CEP128: variants seen among roughly 807,000 people sequenced by gnomAD.
CEP128 encodes centrosomal protein 128, also known as centrosomal protein 128kDa.
A neutral mutation model predicts 156.7 loss-of-function variants in CEP128; 132 were observed. The observed-to-expected ratio is 0.84, with a 90% CI of 0.73 to 0.97. CEP128 has a LOEUF of 0.97. Ranked by LOEUF, CEP128 falls within the 50% of genes least tolerant of loss-of-function variation. CEP128 has a pLI of 0.00. For missense variants in CEP128, 1,252 were observed against 1,281.9 expected (o/e 0.98, Z 0.36); for synonymous variants, 469 against 448.9 (o/e 1.04, Z -0.57).
intron 21 of CEP128, among the ~76,000 whole-genome samples, chr14:80,553,947 A>G (rs1303255805): frequency 2.0e-5 from 3 of 152,196 alleles, no homozygotes; most frequent in African/African-American, 7.2e-5. Context: ...CTGGTCATAG[A>G]GGAGGACGTC....
At position 80,527,382 on chromosome 14, in the gene CEP128, G is replaced by A; in HGVS notation, c.2959-400C>T. 1.6e-5 allele frequency: 4 copies of A among 247,106 alleles called. No homozygotes were observed. The South Asian group carries it at 1.7e-4, about 11-fold the overall frequency. The allele number at this position is 247,106 out of a possible 1,614,324, so 15.3% of individuals were successfully genotyped here. ...GCCCAGGAGGCAGAGGTTGCAGTGA[G>A]ATTGTGCTACTGCACTACAGCCTGG... On this transcript the variant is annotated intron_variant, in intron 22 of 24. Transcript: ENST00000555265.
At chr14:80,848,714 G>A in intron 9 of CEP128, among the ~76,000 whole-genome samples, 1 of 151,382 alleles carries the variant, frequency 6.6e-6, no homozygotes, top group South Asian at 2.1e-4. Flanking sequence ...GAAAATTAGG[G>A]TGAGAGGAAT....
At chr14:80,911,679 T>G (rs1052944763) in intron 4 of CEP128, among the ~76,000 whole-genome samples, 1 of 152,234 alleles carries the variant, frequency 6.6e-6, no homozygotes, top group Non-Finnish European at 1.5e-5. Context: ...TTTTATTTTG[T>G]GGATGAAATA....
At chr14:80,916,364 T>C in intron 3 of CEP128, 37 bp downstream of exon 3, 1 of 1,561,688 alleles carries the variant, frequency 6.4e-7, no homozygotes, top group Non-Finnish European at 8.8e-7. Context: ...GCTCAAACTA[T>C]TTAAATTCTA....
intron 8 of CEP128, among the ~76,000 whole-genome samples, chr14:80,885,345 G>A (rs527694780): frequency 6.6e-6 from 1 of 152,208 alleles, no homozygotes; most frequent in African/African-American, 2.4e-5. Context: ...TCACCTCTCA[G>A]CAGGGGTCAA....
At chr14:80,840,295 A>G (rs1566663391) in intron 10 of CEP128, among the ~76,000 whole-genome samples, 1 of 152,180 alleles carries the variant, frequency 6.6e-6, no homozygotes, top group Non-Finnish European at 1.5e-5. Flanking sequence ...TAAATAGAGA[A>G]TGTTTTCAGA....
chr14:80,855,769 A>G (rs1887120875), intron 9 of CEP128, among the ~76,000 whole-genome samples: 2 of 152,170 alleles, frequency 1.3e-5, no homozygotes, highest in African/African-American at 4.8e-5. Context: ...CCAGGTTAGA[A>G]TATTTGCCTG....
intron 2 of CEP128, among the ~76,000 whole-genome samples, chr14:80,935,603 A>AAAT (rs1885745186): frequency 7.8e-6 from 1 of 128,442 alleles, no homozygotes; most frequent in African/African-American, 3.1e-5. Flanking sequence ...AATAAATAAA[A>AAAT]ATAAAGTACT....
In CEP128 at chr14:80,743,105, G is replaced by A; in HGVS notation, c.2776C>T (p.Leu926Phe). 4 of 1,613,656 alleles carry A rather than the reference G, an allele frequency of 2.5e-6. No homozygotes were observed. Among genetic ancestry groups the A allele is most frequent in the South Asian group, 1.1e-5 (1 of 91,062 alleles). The change falls in exon 19 of 25, where the codon CTT becomes TTT. Residue 926 changes from leucine to phenylalanine, a missense_variant. Coordinates refer to ENST00000555265, the MANE Select transcript of CEP128 (RefSeq NM_152446.5). ...LFQQIERQEQ[L>F]LDEIHREKRD... ...TTCTCACGATGTATTTCATCCAGAA[G>A]CTGCTCCTGCCTTTCTATCTGTTGA... is the stretch of plus-strand genomic sequence containing the variant.
intron 19 of CEP128, among the ~76,000 whole-genome samples, chr14:80,699,198 A>T (rs1307803435): frequency 4.6e-5 from 7 of 152,202 alleles, no homozygotes; most frequent in Non-Finnish European, 1.5e-5. Context: ...TTAATCTGTA[A>T]GTATCTAAGA....
intron 13 of CEP128, among the ~76,000 whole-genome samples, chr14:80,815,193 A>G (rs1466850143): frequency 1.3e-5 from 2 of 152,236 alleles, no homozygotes; most frequent in African/African-American, 2.4e-5. Flanking sequence ...AGAATTTACA[A>G]GGAACTCTAA....
chr14:80,838,190 T>C lies in CEP128; in HGVS notation c.924+14A>G. 2 of 1,577,514 alleles carry C rather than the reference T, an allele frequency of 1.3e-6. No homozygotes were observed. Among genetic ancestry groups the C allele is most frequent in the Non-Finnish European group, 1.7e-6 (2 of 1,147,978 alleles). On this transcript the variant is annotated intron_variant, in intron 11 of 24. Coordinates refer to ENST00000555265, the MANE Select transcript of CEP128 (RefSeq NM_152446.5). ...TAATGTAAAAGTATATTATAATAAC[T>C]TGCATAGACTTACCTGATGCAAAAG... is the stretch of plus-strand genomic sequence containing the variant.
At chr14:80,736,270 A>AAC (rs199662006) in intron 19 of CEP128, among the ~76,000 whole-genome samples, 1 of 150,824 alleles carries the variant, frequency 6.6e-6, no homozygotes, top group African/African-American at 2.4e-5. Flanking sequence ...AAAAAAAAAA[A>AAC]CACAGCAAAT....
At chr14:80,871,545 C>A (rs754586253) in intron 8 of CEP128, among the ~76,000 whole-genome samples, 4 of 151,950 alleles carry the variant, frequency 2.6e-5, no homozygotes, top group Non-Finnish European at 5.9e-5. Context: ...TAAAAACAAC[C>A]CTAAATGAAG....
At chr14:80,562,295 G>A (rs1321934029) in intron 20 of CEP128, among the ~76,000 whole-genome samples, 1 of 151,910 alleles carries the variant, frequency 6.6e-6, no homozygotes, top group East Asian at 1.9e-4. Context: ...AAAACTGTAT[G>A]TCAAAAAACA....
chr14:80,626,537 A>C (rs183093035), intron 19 of CEP128, among the ~76,000 whole-genome samples: 1 of 151,650 alleles, frequency 6.6e-6, no homozygotes, highest in African/African-American at 2.4e-5. Context: ...GGAAAATGCA[A>C]TGTAGTGACA....
upstream of CEP128, chr14:80,945,635 T>C (rs1374010936): frequency 2.0e-5 from 3 of 152,086 alleles, no homozygotes; most frequent in African/African-American, 7.2e-5. Flanking sequence ...TCTTTATCCT[T>C]TGAGAATTTA....
At chr14:80,550,682 A>G (rs1256189001) in intron 21 of CEP128, among the ~76,000 whole-genome samples, 1 of 151,436 alleles carries the variant, frequency 6.6e-6, no homozygotes, top group African/African-American at 2.4e-5. Flanking sequence ...ATGAATATCG[A>G]GAAAAATTGG....
Position 80,836,271 on chromosome 14 carries a change from A to C in CEP128, c.991T>G (p.Ser331Ala), listed in dbSNP as rs1331377194. The change falls in exon 12 of 25, where the codon TCT becomes GCT. Residue 331 changes from serine to alanine, a missense_variant. Coordinates refer to ENST00000555265, the MANE Select transcript of CEP128 (RefSeq NM_152446.5). ...GDRKGLQHQVSQISKQQSNYQ... is the reference protein window; with the variant it reads ...GDRKGLQHQVAQISKQQSNYQ... ...TTTGACTGTTGCTTGGAAATCTGAG[A>C]TACTTGATGCTGTAAACCCTTTCGA... 8 of 1,613,856 alleles carry C rather than the reference A, an allele frequency of 5.0e-6. No homozygotes were observed. The African/African-American group carries it at 9.3e-5, about 19-fold the overall frequency.
Sources: allele counts gnomAD v4.1 joint callset (sites outside exome capture counted in the v4.1 genomes callset), GRCh38; gene constraint gnomAD v4.1.1; transcripts MANE v1.5; gene names NCBI Gene and HGNC (gene_info 2026-07-23, HGNC 2026-07-21).